The following FBXL7 variants were observed in gnomAD, a reference collection of about 807,000 sequenced individuals.
FBXL7 encodes the protein F-box/LRR-repeat protein 7.
Under a neutral mutation model 38.3 loss-of-function variants are expected in FBXL7, and 12 were observed. That is an observed-to-expected ratio of 0.31 (90% CI 0.20 to 0.51). The LOEUF (loss-of-function observed/expected upper bound fraction) is 0.51. Ranked by LOEUF, FBXL7 falls within the 20% of genes least tolerant of loss-of-function variation. The pLI, the probability that FBXL7 is intolerant of heterozygous loss-of-function variation, is 0.98. For synonymous variants in FBXL7, 297 were observed against 300.9 expected (o/e 0.99, Z 0.13); for missense variants, 567 against 676.4 (o/e 0.84, Z 1.79).
intron 1 of FBXL7, among the ~76,000 whole-genome samples, chr5:15,536,449 T>C (rs1737586236): frequency 1.3e-5 from 2 of 152,288 alleles, no homozygotes; most frequent in Non-Finnish European, 2.9e-5. Context: ...TGGAGATGCC[T>C]AAGGCCTTCA....
intron 2 of FBXL7, among the ~76,000 whole-genome samples, chr5:15,759,734 G>T (rs907484267): frequency 3.3e-5 from 5 of 152,098 alleles, no homozygotes; most frequent in Non-Finnish European, 7.4e-5. Flanking sequence ...TTCAGAAAAT[G>T]TTTATCACTG....
chr5:15,715,354 G>T (rs1283710130), intron 2 of FBXL7, among the ~76,000 whole-genome samples: 1 of 151,996 alleles, frequency 6.6e-6, no homozygotes, highest in African/African-American at 2.4e-5. Context: ...AGCTGGGCGT[G>T]ATGGCACGTG....
At chr5:15,905,587 A>C (rs1334311506) in intron 2 of FBXL7, among the ~76,000 whole-genome samples, 1 of 152,142 alleles carries the variant, frequency 6.6e-6, no homozygotes, top group African/African-American at 2.4e-5. Flanking sequence ...GATATTTAAA[A>C]ACCAAACAAA....
intron 2 of FBXL7, among the ~76,000 whole-genome samples, chr5:15,662,605 T>C (rs1314718709): frequency 1.3e-5 from 2 of 152,214 alleles, no homozygotes; most frequent in African/African-American, 2.4e-5. Context: ...ATTGCCTAGA[T>C]TGTCTTCCAG....
rs141994091 is a variant in FBXL7 at position 15,796,191 on chromosome 5, C to T, written c.128-131699C>T. On this transcript the variant is annotated intron_variant, in intron 2 of 3. Transcript: ENST00000504595. ...CCAGATCTTTTTCTATGAATTATAA[C>T]GATGATAAGAGCACAATTTCCAATA... Among the ~76,000 whole-genome samples the T allele has an allele frequency of 4.1e-4, 63 of 152,204 alleles. 1 individual carries two copies. Among genetic ancestry groups the T allele is most frequent in the East Asian group, 5.8e-4 (3 of 5,174 alleles).
At chr5:15,673,269 T>G (rs891776271) in intron 2 of FBXL7, among the ~76,000 whole-genome samples, 1 of 149,062 alleles carries the variant, frequency 6.7e-6, no homozygotes, top group Non-Finnish European at 1.5e-5. Context: ...TGAGCCGAGA[T>G]CACACTACTA....
intron 1 of FBXL7, among the ~76,000 whole-genome samples, chr5:15,514,676 T>G (rs2126362195): frequency 6.6e-6 from 1 of 152,294 alleles, no homozygotes; most frequent in Middle Eastern, 3.4e-3. Flanking sequence ...TTTGAGAAGA[T>G]TTGAGATGAA....
At chr5:15,923,969 C>G (rs1741814063) in intron 2 of FBXL7, among the ~76,000 whole-genome samples, 1 of 152,070 alleles carries the variant, frequency 6.6e-6, no homozygotes, top group Non-Finnish European at 1.5e-5. Flanking sequence ...GATTTCTGTG[C>G]CCTCACAGCT....
chr5:15,663,913 CT>C (rs1290982574), intron 2 of FBXL7, among the ~76,000 whole-genome samples: 3 of 151,888 alleles, frequency 2.0e-5, no homozygotes, highest in African/African-American at 4.8e-5. Context: ...TCTTTGATGT[CT>C]TTTTTTTCTA....
intron 2 of FBXL7, among the ~76,000 whole-genome samples, chr5:15,890,192 A>G (rs1740842240): frequency 6.6e-6 from 1 of 152,068 alleles, no homozygotes; most frequent in South Asian, 2.1e-4. Context: ...GCAGCTGGTG[A>G]GCGAGCATTA....
chr5:15,676,863 A>G (rs898616136), intron 2 of FBXL7, among the ~76,000 whole-genome samples: 1 of 152,228 alleles, frequency 6.6e-6, no homozygotes, highest in African/African-American at 2.4e-5. Context: ...TCCTGACTGC[A>G]GTGGAAGCAG....
chr5:15,567,866 G>A (rs1044484518), intron 1 of FBXL7, among the ~76,000 whole-genome samples: 12 of 151,800 alleles, frequency 7.9e-5, no homozygotes, highest in African/African-American at 2.7e-4. Flanking sequence ...TTGTCCTTGC[G>A]ATAGTTTGCT....
chr5:15,917,386 A>G (rs1741610450), intron 2 of FBXL7, among the ~76,000 whole-genome samples: 1 of 152,204 alleles, frequency 6.6e-6, no homozygotes, highest in African/African-American at 2.4e-5. Context: ...TAAGGTGGCA[A>G]GATCACTTGA....
intron 2 of FBXL7, among the ~76,000 whole-genome samples, chr5:15,804,192 G>A (rs1737644764): frequency 6.6e-6 from 1 of 152,060 alleles, no homozygotes; most frequent in African/African-American, 2.4e-5. Flanking sequence ...AATAAGCCAG[G>A]CACAATGGCT....
chr5:15,935,305 G>A, intron 3 of FBXL7: 1 of 476,572 alleles, frequency 2.1e-6, no homozygotes, highest in Non-Finnish European at 4.2e-6. Flanking sequence ...CGGGCAGATA[G>A]GGGTGTGGGG....
At chr5:15,616,844 G>A (rs1740469985) in intron 2 of FBXL7, among the ~76,000 whole-genome samples, 1 of 152,194 alleles carries the variant, frequency 6.6e-6, no homozygotes, top group Non-Finnish European at 1.5e-5. Flanking sequence ...CTAATTGTTG[G>A]ATTAAAGTCC....
intron 2 of FBXL7, among the ~76,000 whole-genome samples, chr5:15,843,111 A>G (rs947928368): frequency 6.6e-6 from 1 of 152,152 alleles, no homozygotes; most frequent in Non-Finnish European, 1.5e-5. Context: ...GGAAATTTCT[A>G]TCTCTCTTGT....
chr5:15,604,705 T>A (rs1319104995), intron 1 of FBXL7, among the ~76,000 whole-genome samples: 1 of 152,178 alleles, frequency 6.6e-6, no homozygotes, highest in Non-Finnish European at 1.5e-5. Flanking sequence ...TAACTCGACT[T>A]AAATGATTTC....
intron 2 of FBXL7, among the ~76,000 whole-genome samples, chr5:15,838,519 A>G (rs139590043): frequency 6.6e-6 from 1 of 152,306 alleles, no homozygotes; most frequent in African/African-American, 2.4e-5. Context: ...GTAACACAAC[A>G]TTCAGTCTAT....
Sources: gnomAD v4.1 joint callset for allele counts (sites outside exome capture counted in the v4.1 genomes callset) on GRCh38, gnomAD v4.1.1 for gene constraint, MANE v1.5 for transcripts, NCBI Gene and HGNC (gene_info 2026-07-23, HGNC 2026-07-21) for gene names.